Variants in ZCCHC7 observed in about 807,000 individuals in gnomAD.
The protein encoded by ZCCHC7 is zinc finger CCHC domain-containing protein 7.
Under a neutral mutation model 52.0 loss-of-function variants are expected in ZCCHC7, and 35 were observed. The ratio of observed to expected loss-of-function variants is 0.67; its 90% CI spans 0.51 to 0.89. ZCCHC7 has a LOEUF of 0.89. Ranked by LOEUF, ZCCHC7 falls within the 40% of genes least tolerant of loss-of-function variation. The pLI is 0.00. For synonymous variants in ZCCHC7, 217 were observed against 221.5 expected (o/e 0.98, Z 0.18); for missense variants, 574 against 649.1 (o/e 0.88, Z 1.26).
At position 37,194,340 on chromosome 9, in the gene ZCCHC7, G is replaced by A. The variant is rs7036225; in HGVS notation, c.610+67398G>A. 2.0e-5 allele frequency among the ~76,000 whole-genome samples: 3 copies of A among 152,204 alleles called. No individual in the cohort carries two copies. The East Asian group carries it at 5.8e-4, about 29-fold the overall frequency. ...TAGAGCTTACTTACATATCGTAAGT[G>A]GTAGGTCAATGTAGAGTTAAGTAGC... is the stretch of plus-strand genomic sequence containing the variant. On this transcript the variant is annotated intron_variant, in intron 2 of 8. Transcript: ENST00000336755.
intron 2 of ZCCHC7, among the ~76,000 whole-genome samples, chr9:37,135,687 G>A (rs948676458): frequency 8.5e-5 from 13 of 152,162 alleles, no homozygotes; most frequent in Non-Finnish European, 1.8e-4. Flanking sequence ...CTGCCTTTGT[G>A]TATAGAGTAG....
At chr9:37,202,505 T>G (rs1018732028) in intron 2 of ZCCHC7, among the ~76,000 whole-genome samples, 4 of 152,222 alleles carry the variant, frequency 2.6e-5, no homozygotes, top group Non-Finnish European at 4.4e-5. Context: ...CTGTAAACTT[T>G]TTTGTTTGTT....
chr9:37,158,300 A>G (rs1367696834), intron 2 of ZCCHC7, among the ~76,000 whole-genome samples: 1 of 152,236 alleles, frequency 6.6e-6, no homozygotes, highest in African/African-American at 2.4e-5. Flanking sequence ...TCTAGATCCC[A>G]AATGTTAAAG....
intron 6 of ZCCHC7, among the ~76,000 whole-genome samples, chr9:37,336,517 T>G (rs1830669562): frequency 6.6e-6 from 1 of 152,212 alleles, no homozygotes; most frequent in East Asian, 1.9e-4. Flanking sequence ...GGGCCATGTG[T>G]TGTAAGTCAT....
At chr9:37,220,782 G>A (rs1226725741) in intron 2 of ZCCHC7, among the ~76,000 whole-genome samples, 1 of 152,084 alleles carries the variant, frequency 6.6e-6, no homozygotes, top group Non-Finnish European at 1.5e-5. Flanking sequence ...AAGGTATGGA[G>A]ATAAAACATT....
rs145021111 is a variant in ZCCHC7, at chr9:37,295,196, G to A, written c.611-6992G>A. 2.1e-4 allele frequency among the ~76,000 whole-genome samples: 32 copies of A among 152,282 alleles called. 1 individual carries two copies. The East Asian group carries it at 6.0e-3, about 28-fold the overall frequency. ...ATCCCAATTCCAAGTGGATGAATTG[G>A]GGGTGAATTCAGGTGTTCCACAGAA... On this transcript the variant is annotated intron_variant, in intron 2 of 8. Transcript: ENST00000336755.
At chr9:37,184,338 G>A (rs1564164172) in intron 2 of ZCCHC7, among the ~76,000 whole-genome samples, 1 of 142,736 alleles carries the variant, frequency 7.0e-6, no homozygotes, top group African/African-American at 2.6e-5. Flanking sequence ...ATTATTCCCT[G>A]TTTTACTTAA....
In ZCCHC7 at chr9:37,357,028, C is replaced by A. The variant is rs781381091; in HGVS notation, c.1392C>A (p.Asp464Glu). 10 of 1,613,672 alleles carry A rather than the reference C, an allele frequency of 6.2e-6. No homozygotes were observed. In the East Asian group the frequency reaches 2.2e-4, roughly 36 times the overall value. ...NRNWEKHRKA[D>E]RHREVDEDFP... ...ACTGGGAGAAGCACAGGAAGGCTGA[C>A]AGACATCGTGAAGTGGATGAGGATT... Residue 464 changes from aspartate to glutamate, a missense_variant, in exon 9 of 9, where the codon GAC (aspartate) becomes GAA (glutamate). Asp to Glu is a conservative substitution (Grantham distance 45, BLOSUM62 2). This residue lies in a region of ZCCHC7 where 168 missense variants were observed against 171.6 expected (regional missense o/e 0.98). Transcript: ENST00000336755.
At position 37,173,453 on chromosome 9, in the gene ZCCHC7, A is replaced by G. The variant is rs980916168; in HGVS notation, c.610+46511A>G. 5.9e-5 allele frequency among the ~76,000 whole-genome samples: 9 copies of G among 152,358 alleles called. No homozygotes were observed. In the East Asian group the frequency reaches 1.3e-3, roughly 23 times the overall value. On this transcript the variant is annotated intron_variant, in intron 2 of 8. Transcript: ENST00000336755. ...ACAGAACAGACAAAATAAGGAAAAC[A>G]TTCTTTTCCAAAGGACTCACCGTAG...
chr9:37,191,583 G>A lies in ZCCHC7; in HGVS notation c.610+64641G>A, dbSNP rs552928274. Among the ~76,000 whole-genome samples the A allele has an allele frequency of 3.3e-5, 5 of 152,082 alleles. No individual in the cohort carries two copies. The East Asian group carries it at 5.8e-4, about 18-fold the overall frequency. The stretch of plus-strand genomic sequence containing the variant: ...GATTGAGAGACTAATCCCCACCCCC[G>A]AAGGCTGTCTGCATCAGCTGTCCCC... On this transcript the variant is annotated intron_variant, in intron 2 of 8. Transcript: ENST00000336755.
chr9:37,265,893 C>T (rs1209632610), intron 2 of ZCCHC7, among the ~76,000 whole-genome samples: 1 of 152,140 alleles, frequency 6.6e-6, no homozygotes, highest in South Asian at 2.1e-4. Flanking sequence ...CTGGATGGTT[C>T]AGGCTTTGAT....
At chr9:37,155,998 C>T (rs1368419235) in intron 2 of ZCCHC7, among the ~76,000 whole-genome samples, 1 of 152,198 alleles carries the variant, frequency 6.6e-6, no homozygotes, top group Admixed American at 6.5e-5. Context: ...CAAAGTGACC[C>T]CAGCGTTCCT....
At chr9:37,180,644 A>T (rs1217344921) in intron 2 of ZCCHC7, among the ~76,000 whole-genome samples, 4 of 152,124 alleles carry the variant, frequency 2.6e-5, no homozygotes, top group Admixed American at 2.0e-4. Flanking sequence ...TATAAAGCAA[A>T]CATAAATATT....
At chr9:37,310,401 A>G (rs972219042) in intron 5 of ZCCHC7, among the ~76,000 whole-genome samples, 1 of 152,232 alleles carries the variant, frequency 6.6e-6, no homozygotes, top group African/African-American at 2.4e-5. Flanking sequence ...CCAAGATAAC[A>G]ACAGCCATAC....
chr9:37,341,630 T>C (rs976676235), intron 6 of ZCCHC7, among the ~76,000 whole-genome samples: 23 of 152,130 alleles, frequency 1.5e-4, no homozygotes, highest in African/African-American at 5.3e-4. Context: ...GTTGGTTGGT[T>C]GGTCTTTTTA....
At chr9:37,137,704 T>G (rs1189756654) in intron 2 of ZCCHC7, among the ~76,000 whole-genome samples, 1 of 152,170 alleles carries the variant, frequency 6.6e-6, no homozygotes, top group African/African-American at 2.4e-5. Flanking sequence ...GTAGAGCAGG[T>G]CTTAAGGTAC....
intron 2 of ZCCHC7, among the ~76,000 whole-genome samples, chr9:37,200,373 T>C (rs1479513989): frequency 6.6e-6 from 1 of 152,236 alleles, no homozygotes; most frequent in African/African-American, 2.4e-5. Context: ...TAATTAGAGC[T>C]GACACCAAGT....
At chr9:37,293,753 C>A (rs1156732616) in intron 2 of ZCCHC7, among the ~76,000 whole-genome samples, 3 of 152,062 alleles carry the variant, frequency 2.0e-5, no homozygotes, top group Admixed American at 6.6e-5. Flanking sequence ...AGGTGGTTCA[C>A]TGACTGAACG....
intron 2 of ZCCHC7, among the ~76,000 whole-genome samples, chr9:37,277,473 C>A (rs911068869): frequency 6.6e-5 from 10 of 152,068 alleles, no homozygotes; most frequent in African/African-American, 2.2e-4. Flanking sequence ...GAGACCCCCC[C>A]ATCTCTGAAA....
Sources: allele counts gnomAD v4.1 joint callset (sites outside exome capture counted in the v4.1 genomes callset), GRCh38; gene constraint gnomAD v4.1.1; regional missense constraint gnomAD v4.1.1; transcripts MANE v1.5; gene names NCBI Gene and HGNC (gene_info 2026-07-23, HGNC 2026-07-21).